Variants in HADH observed in about 807,000 individuals in gnomAD.
HADH encodes the protein hydroxyacyl-CoA dehydrogenase.
HADH carries 24 observed loss-of-function variants against 32.2 expected under a neutral mutation model. The ratio of observed to expected loss-of-function variants is 0.75; its 90% CI spans 0.54 to 1.05. HADH has a LOEUF of 1.05. Ranked by LOEUF, HADH falls within the 50% of genes least tolerant of loss-of-function variation. The probability of loss-of-function intolerance (pLI) is 0.00; values close to 1 mark genes in which losing one functional copy is unlikely to be tolerated. For missense variants in HADH, 350 were observed against 397.1 expected (o/e 0.88, Z 1.01); for synonymous variants, 139 against 152.5 (o/e 0.91, Z 0.65).
At chr4:108,002,822 A>G (rs1428282992) in intron 1 of HADH, among the ~76,000 whole-genome samples, 1 of 152,226 alleles carries the variant, frequency 6.6e-6, no homozygotes, top group Non-Finnish European at 1.5e-5. Context: ...AACAGACTGA[A>G]ATAAGCCATA....
intron 6 of HADH, chr4:108,031,044 T>C (rs1736243776): frequency 6.6e-6 from 1 of 152,238 alleles, no homozygotes; most frequent in African/African-American, 2.4e-5. Flanking sequence ...TAGGGTTAAT[T>C]GTCCTGTCCT....
chr4:108,012,445 A>C (rs944982627), intron 2 of HADH, among the ~76,000 whole-genome samples: 2 of 152,204 alleles, frequency 1.3e-5, no homozygotes, highest in Non-Finnish European at 2.9e-5. Context: ...ACAAGAGTAC[A>C]CCGAACAAAG....
Position 108,011,891 on chromosome 4 carries a change from T to G in HADH, c.261+2004T>G, listed in dbSNP as rs998227824. 3.3e-5 allele frequency among the ~76,000 whole-genome samples: 5 copies of G among 152,008 alleles called. No individual in the cohort carries two copies. The South Asian group carries it at 8.3e-4, about 25-fold the overall frequency. ...TAGTATCTCATTGTGGTGTTTTTGT[T>G]TTTTGTTTTTTTGTTTTGGAAATGA... On this transcript the variant is annotated intron_variant, in intron 2 of 7. Transcript: ENST00000309522.
chr4:108,009,053 G>A (rs985955679), intron 1 of HADH, among the ~76,000 whole-genome samples: 3 of 152,210 alleles, frequency 2.0e-5, no homozygotes, highest in Non-Finnish European at 4.4e-5. Flanking sequence ...GCATGGTGAA[G>A]GCAGGGAATT....
intron 1 of HADH, among the ~76,000 whole-genome samples, chr4:108,008,022 G>A (rs1408454466): frequency 6.6e-6 from 1 of 152,218 alleles, no homozygotes; most frequent in Non-Finnish European, 1.5e-5. Context: ...ATCACTTGAA[G>A]TTATGCTATA....
At chr4:107,992,554 A>T (rs1270157156) in intron 1 of HADH, among the ~76,000 whole-genome samples, 1 of 152,214 alleles carries the variant, frequency 6.6e-6, no homozygotes, top group African/African-American at 2.4e-5. Flanking sequence ...TTTTGAGTAC[A>T]GATGGGCTAC....
rs150581404 is a variant in HADH, at chr4:108,018,988, T to C, written c.420-552T>C. On this transcript the variant is annotated intron_variant, in intron 3 of 7. Transcript: ENST00000309522. ...AACCTTAAAATTTTTTTGAACCATGTTGGTGTTCTTGTTTTCATTTTAATT... is the reference window on the plus strand; with the variant it reads ...AACCTTAAAATTTTTTTGAACCATGCTGGTGTTCTTGTTTTCATTTTAATT... 2.9e-3 allele frequency among the ~76,000 whole-genome samples: 449 copies of C among 152,314 alleles called. 5 individuals carry two copies. Among genetic ancestry groups the C allele is most frequent in the African/African-American group, 9.9e-3 (410 of 41,570 alleles).
chr4:108,033,273 T>C lies in HADH; in HGVS notation c.807T>C (p.Thr269=). The change falls in exon 7 of 8, where the codon ACT becomes ACC. Residue 269 remains threonine (T), a synonymous_variant. Transcript: ENST00000309522. ...FELLDYVGLD[T]TKFIVDGWHE... is the part of the protein sequence containing the mutation. ...TTCTAGATTATGTCGGACTGGATACTACGAAGTTCATCGTGGATGGTAGGA... is the reference window on the plus strand; with the variant it reads ...TTCTAGATTATGTCGGACTGGATACCACGAAGTTCATCGTGGATGGTAGGA... The C allele has an allele frequency of 1.3e-6, 2 of 1,569,966 alleles. No homozygotes were observed. Among genetic ancestry groups the C allele is most frequent in the Non-Finnish European group, 1.8e-6 (2 of 1,139,896 alleles).
At chr4:108,011,485 A>T (rs1735493310) in intron 2 of HADH, among the ~76,000 whole-genome samples, 1 of 152,134 alleles carries the variant, frequency 6.6e-6, no homozygotes, top group South Asian at 2.1e-4. Context: ...ACACGTGGGG[A>T]TTATTACAAT....
chr4:108,018,664 G>A (rs1362005658), intron 3 of HADH, among the ~76,000 whole-genome samples: 1 of 151,652 alleles, frequency 6.6e-6, no homozygotes, highest in Non-Finnish European at 1.5e-5. Flanking sequence ...TGTTAGGTAA[G>A]CAGAAACCCC....
chr4:108,007,930 A>G (rs2126225236), intron 1 of HADH, among the ~76,000 whole-genome samples: 1 of 152,330 alleles, frequency 6.6e-6, no homozygotes, highest in South Asian at 2.1e-4. Flanking sequence ...TGACTGTAAG[A>G]AATGATGGCA....
chr4:108,014,113 G>GCAT, intron 2 of HADH, among the ~76,000 whole-genome samples: 1 of 152,316 alleles, frequency 6.6e-6, no homozygotes, highest in South Asian at 2.1e-4. Flanking sequence ...GGAAACAACA[G>GCAT]TTTCAGGCAT....
At chr4:107,999,413 CAG>C (rs750601744) in intron 1 of HADH, among the ~76,000 whole-genome samples, 20 of 152,222 alleles carry the variant, frequency 1.3e-4, no homozygotes, top group Non-Finnish European at 1.8e-4. Context: ...ACCAAAATAA[CAG>C]AGAGAGACTT....
At chr4:108,004,557 C>A in intron 1 of HADH, 1 of 1,046,808 alleles carries the variant, frequency 9.6e-7, no homozygotes, top group South Asian at 1.5e-5. Context: ...CTCAAATCAA[C>A]ATGTAACCAA....
rs1299029222 is a variant in HADH, at chr4:108,009,891, A to G, written c.261+4A>G. 6.3e-7 allele frequency: 1 copy of G among 1,596,136 alleles called. No individual in the cohort carries two copies. The highest frequency in any genetic ancestry group is 1.1e-5 in the South Asian group (1 of 90,740). The stretch of plus-strand genomic sequence containing the variant: ...GAAGTTTGCAGAAAACCTTAAGGTA[A>G]TTTCTTATTATCGATGTCTTCAAGA... On this transcript the variant is annotated splice_donor_region_variant and intron_variant, in intron 2 of 7. Transcript: ENST00000309522.
intron 1 of HADH, among the ~76,000 whole-genome samples, chr4:107,996,684 A>T (rs1302572879): frequency 6.6e-6 from 1 of 152,230 alleles, no homozygotes; most frequent in African/African-American, 2.4e-5. Flanking sequence ...ACTTGAAGTC[A>T]GGAGTTCGAG....
chr4:108,014,241 C>G (rs544979934), intron 2 of HADH, among the ~76,000 whole-genome samples, 190 bp from the exon 3 acceptor site: 2 of 152,228 alleles, frequency 1.3e-5, no homozygotes, highest in African/African-American at 4.8e-5. Flanking sequence ...AGCACCACCT[C>G]AAGACTAATG....
chr4:108,020,303 T>C (rs1046093587), intron 4 of HADH, among the ~76,000 whole-genome samples: 2 of 152,028 alleles, frequency 1.3e-5, no homozygotes, highest in Non-Finnish European at 2.9e-5. Context: ...AGACCCCATT[T>C]CTACAAAAAA....
chr4:107,996,601 GA>G (rs1394910731), intron 1 of HADH, among the ~76,000 whole-genome samples: 1 of 152,062 alleles, frequency 6.6e-6, no homozygotes, highest in Non-Finnish European at 1.5e-5. Flanking sequence ...ACTGTTTGAA[GA>G]AAAAAACCAG....
Sources: allele counts gnomAD v4.1 joint callset (sites outside exome capture counted in the v4.1 genomes callset), GRCh38; gene constraint gnomAD v4.1.1; transcripts MANE v1.5; gene names NCBI Gene and HGNC (gene_info 2026-07-23, HGNC 2026-07-21).